The following TG variants were observed in gnomAD, a reference collection of about 807,000 sequenced individuals.
TG encodes the protein thyroglobulin, also known as thyroid hormones.
In TG, 270 loss-of-function variants were observed where a neutral mutation model predicts 324.7. The observed-to-expected ratio is 0.83, with a 90% CI of 0.75 to 0.92. The LOEUF is 0.92. Ranked by LOEUF, TG falls within the 40% of genes least tolerant of loss-of-function variation. TG has a pLI of 0.00. For synonymous variants in TG, 1,401 were observed against 1,327.0 expected, an observed-to-expected ratio of 1.06 and a Z score of -1.21; for missense variants, 3,591 against 3,456.4, an observed-to-expected ratio of 1.04 and a Z score of -0.98.
intron 41 of TG, chr8:133,050,211 C>A (rs755216573): frequency 2.2e-4 from 123 of 553,114 alleles, no homozygotes; most frequent in Non-Finnish European, 3.8e-4. Flanking sequence ...GGTAAACCCT[C>A]CCATGTGCTA....
chr8:132,918,766 C>T (rs853306), intron 20 of TG, among the ~76,000 whole-genome samples: 62,713 of 152,110 alleles, frequency 0.41, 15,729 homozygotes, highest in Admixed American at 0.54. Flanking sequence ...GATAACTTCC[C>T]CATAGGGTTG....
intron 41 of TG, among the ~76,000 whole-genome samples, chr8:133,080,200 G>T (rs1184875492): frequency 6.6e-6 from 1 of 152,178 alleles, no homozygotes; most frequent in African/African-American, 2.4e-5. Flanking sequence ...ACAAAAGTTT[G>T]GGGCTGGAAA....
At chr8:132,874,060 T>G (rs1269073742) in intron 5 of TG, among the ~76,000 whole-genome samples, 1 of 152,078 alleles carries the variant, frequency 6.6e-6, no homozygotes, top group African/African-American at 2.4e-5. Flanking sequence ...TAGTCCCAGC[T>G]ACTTGGGAGG....
intron 47 of TG, among the ~76,000 whole-genome samples, 162 bp from the exon 48 acceptor site, chr8:133,134,514 A>G (rs576021412): frequency 1.3e-5 from 2 of 152,338 alleles, no homozygotes; most frequent in Admixed American, 6.5e-5. Context: ...CCCTATAGCC[A>G]GGAGACCCAT....
chr8:133,096,895 G>A (rs1356132827), intron 43 of TG, among the ~76,000 whole-genome samples: 2 of 152,208 alleles, frequency 1.3e-5, no homozygotes, highest in South Asian at 2.1e-4. Flanking sequence ...TGAAGTGGGA[G>A]TGAGCTGGGA....
chr8:133,094,398 G>A (rs1028333120), intron 41 of TG, among the ~76,000 whole-genome samples: 42 of 151,896 alleles, frequency 2.8e-4, no homozygotes, highest in African/African-American at 9.2e-4. Flanking sequence ...CCGTCACCAC[G>A]CCTGGCTAGT....
chr8:132,879,579 T>C (rs1814352678), intron 5 of TG, among the ~76,000 whole-genome samples: 2 of 152,312 alleles, frequency 1.3e-5, no homozygotes, highest in South Asian at 4.1e-4. Context: ...TATACAGAAT[T>C]AGCAAGAAGG....
chr8:132,873,961 G>A (rs940303270), intron 5 of TG, among the ~76,000 whole-genome samples: 1 of 152,148 alleles, frequency 6.6e-6, no homozygotes, highest in East Asian at 1.9e-4. Flanking sequence ...ATGAGGTCAG[G>A]GGTTGGAGAC....
chr8:133,031,698 A>G (rs1836658211), intron 41 of TG, among the ~76,000 whole-genome samples: 1 of 152,122 alleles, frequency 6.6e-6, no homozygotes, highest in South Asian at 2.1e-4. Flanking sequence ...CTAGGTCAGC[A>G]TTGTCACCAT....
At chr8:133,011,877 A>T (rs1174735499) in intron 35 of TG, 24 bp from the exon 36 acceptor site, 1 of 1,613,950 alleles carries the variant, frequency 6.2e-7, no homozygotes, top group Non-Finnish European at 8.5e-7. Flanking sequence ...ACTGCATGTG[A>T]CTGTCCGTTG....
chr8:132,919,638 A>G, intron 21 of TG, 113 bp downstream of exon 21: 1 of 1,475,290 alleles, frequency 6.8e-7, no homozygotes, highest in South Asian at 1.1e-5. Context: ...TTCTTTGTGC[A>G]GGGTTGGCCT....
chr8:132,930,419 G>A (rs1375436021), intron 23 of TG, among the ~76,000 whole-genome samples: 4 of 152,170 alleles, frequency 2.6e-5, no homozygotes, highest in African/African-American at 9.7e-5. Flanking sequence ...GGTAGCTCAC[G>A]CCTCTAATCC....
chr8:133,025,445 T>C (rs2130961747), intron 40 of TG, among the ~76,000 whole-genome samples: 1 of 152,364 alleles, frequency 6.6e-6, no homozygotes, highest in Non-Finnish European at 1.5e-5. Context: ...TTTAAGTTTA[T>C]AGAAAAGTGA....
At chr8:132,960,648 T>C (rs1362091072) in intron 27 of TG, among the ~76,000 whole-genome samples, 1 of 152,040 alleles carries the variant, frequency 6.6e-6, no homozygotes, top group African/African-American at 2.4e-5. Context: ...GAGGCAAGAG[T>C]CTCTGAGGAG....
At chr8:133,078,143 G>A (rs2131502487) in intron 41 of TG, among the ~76,000 whole-genome samples, 1 of 152,314 alleles carries the variant, frequency 6.6e-6, no homozygotes, top group East Asian at 1.9e-4. Context: ...GGGTGGCTGT[G>A]TCACCCATCC....
At position 133,013,580 on chromosome 8, in the gene TG, C is replaced by A. The variant is rs527396886; in HGVS notation, c.6398-20C>A. The A allele has an allele frequency of 1.2e-6, 2 of 1,613,980 alleles. No individual in the cohort carries two copies. The highest frequency in any genetic ancestry group is 1.7e-6 in the Non-Finnish European group (2 of 1,180,036). On this transcript the variant is annotated intron_variant, in intron 36 of 47. Coordinates refer to ENST00000220616, the MANE Select transcript of TG (RefSeq NM_003235.5). The stretch of plus-strand genomic sequence containing the variant: ...ACATCTCTGAGGCCCAAGCATCACT[C>A]TTCTCCCTCTTTTCTGCAGAATGTT...
intron 41 of TG, among the ~76,000 whole-genome samples, chr8:133,055,346 GACACACACACGCACGCGCGC>G (rs1300582241): frequency 6.9e-6 from 1 of 144,672 alleles, no homozygotes; most frequent in African/African-American, 2.6e-5. Context: ...TCATCTTCAG[GACACACACACGCACGCGCGC>G]ACACACACAC....
intron 34 of TG, among the ~76,000 whole-genome samples, chr8:132,979,056 C>CT (rs779864422): frequency 3.9e-5 from 6 of 152,160 alleles, no homozygotes; most frequent in Non-Finnish European, 7.3e-5. Flanking sequence ...GCAAATGAGA[C>CT]TGTTTGCAGC....
intron 45 of TG, among the ~76,000 whole-genome samples, chr8:133,127,241 A>G (rs955094251): frequency 6.6e-6 from 1 of 152,206 alleles, no homozygotes; most frequent in Non-Finnish European, 1.5e-5. Flanking sequence ...ATGTACCTCC[A>G]TCATCCTGTT....
Sources: gnomAD v4.1 joint callset for allele counts (sites outside exome capture counted in the v4.1 genomes callset) on GRCh38, gnomAD v4.1.1 for gene constraint, MANE v1.5 for transcripts, NCBI Gene and HGNC (gene_info 2026-07-23, HGNC 2026-07-21) for gene names.